The following ADTRP variants were observed in gnomAD, a reference collection of about 807,000 sequenced individuals.
ADTRP encodes androgen dependent TFPI regulating protein, also known as androgen-dependent TFPI-regulating protein.
A neutral mutation model predicts 27.0 loss-of-function variants in ADTRP; 20 were observed. The ratio of observed to expected loss-of-function variants is 0.74; its 90% CI spans 0.52 to 1.08. The LOEUF is 1.08. Ranked by LOEUF, ADTRP falls within the 50% of genes least tolerant of loss-of-function variation. The probability of loss-of-function intolerance (pLI) is 0.00; values close to 1 mark genes in which losing one functional copy is unlikely to be tolerated. For missense variants in ADTRP, 251 were observed against 275.0 expected, an observed-to-expected ratio of 0.91 and a Z score of 0.62; for synonymous variants, 101 against 105.2, an observed-to-expected ratio of 0.96 and a Z score of 0.25.
At chr6:11,762,513 A>G (rs1254345442) in intron 3 of ADTRP, among the ~76,000 whole-genome samples, 1 of 152,182 alleles carries the variant, frequency 6.6e-6, no homozygotes, top group African/African-American at 2.4e-5. Flanking sequence ...TGTATCTGGG[A>G]CTTTCTCCAA....
At chr6:11,735,724 C>A in intron 3 of ADTRP, 41 bp from the exon 4 acceptor site, 1 of 1,407,792 alleles carries the variant, frequency 7.1e-7, no homozygotes, top group South Asian at 1.2e-5. Context: ...GCAGGGTGTC[C>A]AGGGTGCCTA....
chr6:11,717,213 A>G (rs1178251641), intron 5 of ADTRP: 1 of 1,200,202 alleles, frequency 8.3e-7, no homozygotes, highest in Non-Finnish European at 1.1e-6. Context: ...TAGTTGGCAG[A>G]TAGGAAGTTA....
rs529069904 is a variant in ADTRP, at chr6:11,726,047, T to C, written c.507-2547A>G. Among the ~76,000 whole-genome samples the C allele has an allele frequency of 7.4e-4, 113 of 152,324 alleles. 1 individual carries two copies. The highest frequency in any genetic ancestry group is 1.5e-3 in the Non-Finnish European group (104 of 68,032). ...GAATGGATAAATAAAATGTGGCTTA[T>C]ACATAGGCATTAAGAAGGAAGAACA... On this transcript the variant is annotated intron_variant, in intron 4 of 5. Coordinates refer to ENST00000414691, the MANE Select transcript of ADTRP (RefSeq NM_032744.4).
At chr6:11,724,682 A>G (rs1762130284) in intron 4 of ADTRP, among the ~76,000 whole-genome samples, 1 of 152,256 alleles carries the variant, frequency 6.6e-6, no homozygotes, top group African/African-American at 2.4e-5. Context: ...TTCAAACCCC[A>G]GCTCTGCCAC....
intron 5 of ADTRP, among the ~76,000 whole-genome samples, chr6:11,719,437 C>T (rs1469560063): frequency 1.3e-5 from 2 of 152,168 alleles, no homozygotes; most frequent in Non-Finnish European, 2.9e-5. Flanking sequence ...TTAAAAAATA[C>T]CCATGTCGAG....
intron 1 of ADTRP, among the ~76,000 whole-genome samples, chr6:11,775,656 C>T (rs901185312): frequency 6.6e-6 from 1 of 152,156 alleles, no homozygotes; most frequent in Non-Finnish European, 1.5e-5. Context: ...CTCAATGGCA[C>T]CTTAGCCACT....
intron 3 of ADTRP, among the ~76,000 whole-genome samples, chr6:11,736,918 C>A (rs1762571976): frequency 6.6e-6 from 1 of 152,042 alleles, no homozygotes; most frequent in African/African-American, 2.4e-5. Context: ...CCTCTGAAAC[C>A]CCTATGTCCT....
At chr6:11,755,559 G>A (rs1035316582) in intron 3 of ADTRP, among the ~76,000 whole-genome samples, 3 of 152,178 alleles carry the variant, frequency 2.0e-5, no homozygotes, top group Non-Finnish European at 2.9e-5. Flanking sequence ...GATTTCTTGA[G>A]AGGCAAAATG....
rs61099475 is a variant in ADTRP at position 11,758,575 on chromosome 6, TG to T, written c.390+7698del. Among the ~76,000 whole-genome samples, 25 of 29,436 alleles carry T rather than the reference TG, an allele frequency of 8.5e-4. 2 individuals carry two copies. The highest frequency in any genetic ancestry group is 1.4e-3 in the South Asian group (1 of 702). The allele number at this position is 29,436 out of a possible 152,430, so 19.3% of individuals were successfully genotyped here. A position where few individuals can be genotyped will look rare whatever the true frequency, so the allele number is the denominator to read the frequency against. Reference sequence around the variant, plus strand: ...TCACACACCGGGGACTGTTGTGGGGTGGGGGGGGGGGACGGATAGCATTAGG... The same window carrying T: ...TCACACACCGGGGACTGTTGTGGGGTGGGGGGGGGGACGGATAGCATTAGG... On this transcript the variant is annotated intron_variant, in intron 3 of 5. Transcript: ENST00000414691.
chr6:11,761,918 G>T (rs1331524635), intron 3 of ADTRP, among the ~76,000 whole-genome samples: 3 of 152,166 alleles, frequency 2.0e-5, no homozygotes, highest in African/African-American at 7.2e-5. Flanking sequence ...CTATGCCCAG[G>T]GCTGGGGCTG....
chr6:11,730,870 A>T (rs1029510196), intron 4 of ADTRP, among the ~76,000 whole-genome samples: 1 of 152,222 alleles, frequency 6.6e-6, no homozygotes, highest in Non-Finnish European at 1.5e-5. Flanking sequence ...GAGCAGTGTG[A>T]TGATGCACTC....
intron 3 of ADTRP, among the ~76,000 whole-genome samples, chr6:11,762,251 C>T (rs1763413427): frequency 6.6e-6 from 1 of 152,224 alleles, no homozygotes; most frequent in Admixed American, 6.5e-5. Context: ...AGGTAGGGCA[C>T]AGAACCCCTC....
At chr6:11,742,124 TA>T (rs144111530) in intron 3 of ADTRP, among the ~76,000 whole-genome samples, 2,096 of 151,008 alleles carry the variant, frequency 0.014, 59 homozygotes, top group African/African-American at 0.048. Flanking sequence ...CGGGCAAACC[TA>T]AAAAAAAAGT....
At chr6:11,725,102 T>C (rs9462046) in intron 4 of ADTRP, among the ~76,000 whole-genome samples, 2,270 of 152,346 alleles carry the variant, frequency 0.015, 51 homozygotes, top group African/African-American at 0.051. Flanking sequence ...ACTTGAAGTT[T>C]GTTAAATGGT....
chr6:11,758,275 C>T (rs904695416), intron 3 of ADTRP, among the ~76,000 whole-genome samples: 1 of 152,052 alleles, frequency 6.6e-6, no homozygotes, highest in African/African-American at 2.4e-5. Context: ...CCACTCTGTG[C>T]CCAGCACATG....
intron 4 of ADTRP, among the ~76,000 whole-genome samples, chr6:11,727,563 T>C (rs1762249428): frequency 6.6e-6 from 1 of 152,196 alleles, no homozygotes; most frequent in African/African-American, 2.4e-5. Context: ...TGAATTCCCA[T>C]GCACATTTAT....
intron 3 of ADTRP, among the ~76,000 whole-genome samples, chr6:11,746,844 T>C (rs1412010154): frequency 6.6e-6 from 1 of 152,148 alleles, no homozygotes; most frequent in Non-Finnish European, 1.5e-5. Flanking sequence ...CTCCATTTCT[T>C]GTTGAGTGTC....
chr6:11,767,347 C>G (rs571999325), intron 2 of ADTRP, among the ~76,000 whole-genome samples: 1 of 152,150 alleles, frequency 6.6e-6, no homozygotes, highest in Admixed American at 6.5e-5. Flanking sequence ...CCCTCCCCTA[C>G]CCCCCAAAAC....
intron 4 of ADTRP, among the ~76,000 whole-genome samples, chr6:11,726,650 G>T (rs1762213808): frequency 6.6e-6 from 1 of 152,124 alleles, no homozygotes. Context: ...ACACAAAATG[G>T]ACTGAGCCAG....
Sources: allele counts gnomAD v4.1 joint callset (sites outside exome capture counted in the v4.1 genomes callset), GRCh38; gene constraint gnomAD v4.1.1; transcripts MANE v1.5; gene names NCBI Gene and HGNC (gene_info 2026-07-23, HGNC 2026-07-21).